Variants in CLIC4 observed in about 807,000 individuals in gnomAD.
CLIC4 encodes the protein chloride intracellular channel protein 4.
In CLIC4, 13 loss-of-function variants were observed where a neutral mutation model predicts 24.6. The ratio of observed to expected loss-of-function variants is 0.53; its 90% CI spans 0.34 to 0.84. CLIC4 has a LOEUF of 0.84. Among genes scored for constraint, CLIC4 ranks in the 40% least tolerant of loss-of-function variants. The pLI is 0.01. For synonymous variants in CLIC4, 104 were observed against 111.3 expected, an observed-to-expected ratio of 0.93 and a Z score of 0.41; for missense variants, 227 against 301.7, an observed-to-expected ratio of 0.75 and a Z score of 1.83.
At chr1:24,786,620 AT>A (rs200885545) in intron 1 of CLIC4, among the ~76,000 whole-genome samples, 1 of 151,540 alleles carries the variant, frequency 6.6e-6, no homozygotes, top group Non-Finnish European at 1.5e-5. Context: ...AATTATTTTT[AT>A]TTTTTTTTAT....
intron 1 of CLIC4, among the ~76,000 whole-genome samples, chr1:24,773,865 T>G (rs764733685): frequency 6.6e-6 from 1 of 152,100 alleles, no homozygotes; most frequent in Non-Finnish European, 1.5e-5. Flanking sequence ...TCCCAGAGTG[T>G]TGGGATTACA....
intron 1 of CLIC4, among the ~76,000 whole-genome samples, chr1:24,785,854 C>CAAAAAAAAAAAAAA (rs61009244): frequency 2.3e-3 from 136 of 58,770 alleles, no homozygotes; most frequent in Middle Eastern, 0.014. Flanking sequence ...GACTACAACT[C>CAAAAAAAAAAAAAA]AAAAAAAAAA....
intron 1 of CLIC4, among the ~76,000 whole-genome samples, chr1:24,757,686 TAAG>T (rs772850692): frequency 1.3e-5 from 2 of 152,252 alleles, no homozygotes; most frequent in Non-Finnish European, 2.9e-5. Context: ...TGATTACACT[TAAG>T]AAATTAAATT....
In CLIC4 at chr1:24,776,417, A is replaced by G. The variant is rs528319229; in HGVS notation, c.73-21325A>G. The stretch of plus-strand genomic sequence containing the variant: ...GCTTTTGTCACTCTCCAGTGCCTTC[A>G]GGTGTTTTTGTCTGGAAGTTATAGC... On this transcript the variant is annotated intron_variant, in intron 1 of 5. Transcript: ENST00000374379. 3.3e-5 allele frequency among the ~76,000 whole-genome samples: 5 copies of G among 152,280 alleles called. No homozygotes were observed. The South Asian group carries it at 8.3e-4, about 25-fold the overall frequency.
At chr1:24,771,982 A>C in intron 1 of CLIC4, 1 of 336,770 alleles carries the variant, frequency 3.0e-6, no homozygotes, top group South Asian at 2.6e-5. Context: ...AGGCTTAGGC[A>C]GAAAGTTGAG....
At chr1:24,763,886 T>C (rs899055930) in intron 1 of CLIC4, among the ~76,000 whole-genome samples, 2 of 152,250 alleles carry the variant, frequency 1.3e-5, no homozygotes, top group Non-Finnish European at 2.9e-5. Flanking sequence ...TTATCTTTGC[T>C]ATAATAAAGT....
chr1:24,814,110 C>T lies in CLIC4; in HGVS notation c.199C>T (p.Gln67Ter), dbSNP rs1348702562. ...GCCCAACAGGAAGCCAGCAGACCTG[C>T]AGAACTTGGCTCCCGGGACCCACCC... The part of the protein sequence containing the change: ...VDLKRKPADL[Q>*]NLAPGTHPPF... The change falls in exon 3 of 6, where the codon CAG becomes TAG. Residue 67 changes from glutamine (Q) to a stop codon, truncating the protein, a stop_gained. Coordinates refer to ENST00000374379, the MANE Select transcript of CLIC4 (RefSeq NM_013943.3). LOFTEE classifies it high-confidence loss of function. 4 of 1,613,890 alleles carry T rather than the reference C, an allele frequency of 2.5e-6. No homozygotes were observed. In the South Asian group the frequency reaches 4.4e-5, roughly 18 times the overall value.
At chr1:24,767,456 G>A (rs1377879107) in intron 1 of CLIC4, among the ~76,000 whole-genome samples, 1 of 152,184 alleles carries the variant, frequency 6.6e-6, no homozygotes, top group Non-Finnish European at 1.5e-5. Context: ...TTCAGGATTA[G>A]AAGCATCTGC....
At chr1:24,835,382 G>C (rs1639876308) in intron 4 of CLIC4, among the ~76,000 whole-genome samples, 1 of 152,082 alleles carries the variant, frequency 6.6e-6, no homozygotes, top group Non-Finnish European at 1.5e-5. Flanking sequence ...GACCAACATG[G>C]CATAACCCCA....
At chr1:24,775,847 G>C (rs1350765983) in intron 1 of CLIC4, among the ~76,000 whole-genome samples, 2 of 148,242 alleles carry the variant, frequency 1.3e-5, no homozygotes, top group South Asian at 2.1e-4. Context: ...TTTTTCTTGA[G>C]AATGGGTCAG....
chr1:24,813,916 C>A (rs1194253693), intron 2 of CLIC4, among the ~76,000 whole-genome samples, 178 bp from the exon 3 acceptor site: 4 of 151,978 alleles, frequency 2.6e-5, no homozygotes, highest in African/African-American at 9.7e-5. Flanking sequence ...CAGGATCTTA[C>A]CATGTTGCCC....
At chr1:24,781,469 T>G (rs544235493) in intron 1 of CLIC4, among the ~76,000 whole-genome samples, 2 of 151,232 alleles carry the variant, frequency 1.3e-5, no homozygotes, top group South Asian at 4.2e-4. Flanking sequence ...TAGTGAGACT[T>G]GAGCTTGACC....
chr1:24,767,773 T>C (rs1639020120), intron 1 of CLIC4, among the ~76,000 whole-genome samples: 1 of 151,930 alleles, frequency 6.6e-6, no homozygotes, highest in African/African-American at 2.4e-5. Flanking sequence ...TAAAGAGGAA[T>C]AATCTATGAC....
At chr1:24,762,941 G>A (rs1021054626) in intron 1 of CLIC4, among the ~76,000 whole-genome samples, 9 of 152,204 alleles carry the variant, frequency 5.9e-5, no homozygotes, top group Admixed American at 3.3e-4. Context: ...AGAAAGAAGT[G>A]GAAAATTAAA....
chr1:24,753,343 T>G (rs1318100881), intron 1 of CLIC4, among the ~76,000 whole-genome samples: 1 of 152,130 alleles, frequency 6.6e-6, no homozygotes, highest in Non-Finnish European at 1.5e-5. Flanking sequence ...ATATAAGAAA[T>G]TATTAAACAG....
intron 1 of CLIC4, among the ~76,000 whole-genome samples, chr1:24,772,780 G>A (rs533725129): frequency 3.1e-3 from 477 of 152,160 alleles, no homozygotes; most frequent in Non-Finnish European, 4.9e-3. Flanking sequence ...CACAGCGCCC[G>A]GCTGATTTTG....
intron 4 of CLIC4, among the ~76,000 whole-genome samples, chr1:24,838,119 T>A (rs1322814655): frequency 6.6e-6 from 1 of 152,078 alleles, no homozygotes; most frequent in Admixed American, 6.5e-5. Context: ...GGTAAATGGC[T>A]CAGTAAATGA....
Position 24,840,978 on chromosome 1 carries a change from A to C in CLIC4, c.*41A>C. The C allele has an allele frequency of 6.5e-7, 1 of 1,536,420 alleles. No individual in the cohort carries two copies. The highest frequency in any genetic ancestry group is 8.8e-7 in the Non-Finnish European group (1 of 1,136,318). ...AGAGATGTCTTCATGTCTTCCCCTA[A>C]GAATACGCTTTTCCTAACAGGCTAC... On this transcript the variant is annotated 3_prime_UTR_variant, in exon 6 of 6. Coordinates refer to ENST00000374379, the MANE Select transcript of CLIC4 (RefSeq NM_013943.3).
At chr1:24,796,378 G>A in intron 1 of CLIC4, among the ~76,000 whole-genome samples, 1 of 152,030 alleles carries the variant, frequency 6.6e-6, no homozygotes, top group East Asian at 1.9e-4. Flanking sequence ...TAGTAGAGGT[G>A]GGGTTTCACC....
Sources: allele counts gnomAD v4.1 joint callset (sites outside exome capture counted in the v4.1 genomes callset), GRCh38; gene constraint gnomAD v4.1.1; transcripts MANE v1.5; gene names NCBI Gene and HGNC (gene_info 2026-07-23, HGNC 2026-07-21).